Variants in TRPM3 observed in about 807,000 individuals in gnomAD.
TRPM3 encodes the protein long transient receptor potential channel 3.
In TRPM3, 77 loss-of-function variants were observed where a neutral mutation model predicts 181.2. The observed-to-expected ratio is 0.42, with a 90% CI of 0.35 to 0.51. The LOEUF (loss-of-function observed/expected upper bound fraction) is 0.51, where lower values mean the gene tolerates loss of function less well. Among genes scored for constraint, TRPM3 ranks in the 20% least tolerant of loss-of-function variants. The pLI is 0.01. For missense variants in TRPM3, 1,759 were observed against 2,196.7 expected (o/e 0.80, Z 3.98); for synonymous variants, 745 against 796.4 (o/e 0.94, Z 1.09).
chr9:71,018,746 A>G (rs1467728271), intron 1 of TRPM3, among the ~76,000 whole-genome samples: 1 of 151,906 alleles, frequency 6.6e-6, no homozygotes, highest in Non-Finnish European at 1.5e-5. Context: ...AAACTTAACC[A>G]AATACTTCAG....
intron 1 of TRPM3, among the ~76,000 whole-genome samples, chr9:70,987,354 A>C (rs76925081): frequency 0.059 from 8,923 of 152,218 alleles, 375 homozygotes; most frequent in Admixed American, 0.13. Flanking sequence ...GATTTTATGT[A>C]ATTTTTGTAT....
intron 8 of TRPM3, 158 bp downstream of exon 8, chr9:70,761,443 T>C (rs1026953316): frequency 3.3e-6 from 3 of 896,544 alleles, no homozygotes; most frequent in African/African-American, 3.3e-5. Context: ...GTGTCTTAGT[T>C]ACTTAGGAGA....
At chr9:70,889,647 C>G (rs2096160415) in intron 1 of TRPM3, among the ~76,000 whole-genome samples, 2 of 152,092 alleles carry the variant, frequency 1.3e-5, no homozygotes, top group Admixed American at 1.3e-4. Flanking sequence ...GACCACTGGT[C>G]AATAAATCCC....
intron 1 of TRPM3, among the ~76,000 whole-genome samples, chr9:71,261,142 A>G (rs1327609728): frequency 6.6e-6 from 1 of 152,190 alleles, no homozygotes; most frequent in African/African-American, 2.4e-5. Flanking sequence ...AAGTAAATCA[A>G]TCAAACCTAT....
intron 1 of TRPM3, among the ~76,000 whole-genome samples, chr9:71,067,181 T>C (rs2062038936): frequency 6.6e-6 from 1 of 152,144 alleles, no homozygotes. Context: ...AAGGAGGCAA[T>C]TAACTTCTAG....
At chr9:71,418,770 C>CTATA (rs1421279214) in intron 1 of TRPM3, among the ~76,000 whole-genome samples, 1 of 144,078 alleles carries the variant, frequency 6.9e-6, no homozygotes, top group Non-Finnish European at 1.5e-5. Flanking sequence ...TATATATATA[C>CTATA]TATATATAGA....
At chr9:71,173,594 G>A (rs1160329289) in intron 1 of TRPM3, among the ~76,000 whole-genome samples, 2 of 152,220 alleles carry the variant, frequency 1.3e-5, no homozygotes, top group Admixed American at 6.5e-5. Context: ...CTATGGCTGT[G>A]TATTGAGGGA....
intron 1 of TRPM3, among the ~76,000 whole-genome samples, chr9:71,427,037 T>G (rs755887029): frequency 6.6e-6 from 1 of 152,212 alleles, no homozygotes; most frequent in Non-Finnish European, 1.5e-5. Flanking sequence ...AATGCAGTAT[T>G]GCTCCTGGTT....
At chr9:71,165,397 G>A (rs536568637) in intron 1 of TRPM3, among the ~76,000 whole-genome samples, 7 of 152,090 alleles carry the variant, frequency 4.6e-5, no homozygotes, top group Admixed American at 6.6e-5. Flanking sequence ...AAAAAGCAGC[G>A]AGACATGGTT....
At chr9:70,794,145 G>A (rs2086388978) in intron 6 of TRPM3, among the ~76,000 whole-genome samples, 2 of 151,780 alleles carry the variant, frequency 1.3e-5, no homozygotes, top group South Asian at 2.1e-4. Flanking sequence ...AATGCTGAGT[G>A]CAGTCCCAAT....
At chr9:71,139,968 C>G (rs191396361) in intron 1 of TRPM3, among the ~76,000 whole-genome samples, 2 of 152,250 alleles carry the variant, frequency 1.3e-5, no homozygotes, top group Admixed American at 1.3e-4. Flanking sequence ...TTGCAGCCCT[C>G]GCTATGCTAT....
chr9:71,264,207 T>C (rs1465197331), intron 1 of TRPM3, among the ~76,000 whole-genome samples: 1 of 151,998 alleles, frequency 6.6e-6, no homozygotes. Flanking sequence ...AAAGGACAAG[T>C]AACACACACA....
At chr9:71,309,078 T>C (rs184532973) in intron 1 of TRPM3, among the ~76,000 whole-genome samples, 2 of 152,276 alleles carry the variant, frequency 1.3e-5, no homozygotes, top group South Asian at 2.1e-4. Flanking sequence ...AAACAGGACA[T>C]AGTGGGAGAT....
chr9:71,311,788 A>C (rs1044816297), intron 1 of TRPM3, among the ~76,000 whole-genome samples: 2 of 151,630 alleles, frequency 1.3e-5, no homozygotes, highest in Non-Finnish European at 2.9e-5. Context: ...CTGATGAGCA[A>C]AAAAAAATAA....
At chr9:71,167,118 G>A (rs192229568) in intron 1 of TRPM3, among the ~76,000 whole-genome samples, 8 of 152,168 alleles carry the variant, frequency 5.3e-5, no homozygotes, top group East Asian at 1.9e-4. Flanking sequence ...CCAATATTTC[G>A]AAAATGTGAA....
At chr9:70,616,600 G>T (rs2062819998) in intron 17 of TRPM3, among the ~76,000 whole-genome samples, 3 of 141,592 alleles carry the variant, frequency 2.1e-5, no homozygotes, top group Admixed American at 1.5e-4. Flanking sequence ...GCTGTCCTAA[G>T]TTGACCTTGA....
chr9:71,098,316 A>G (rs1346598698), intron 1 of TRPM3, among the ~76,000 whole-genome samples: 1 of 152,190 alleles, frequency 6.6e-6, no homozygotes, highest in Non-Finnish European at 1.5e-5. Flanking sequence ...GTGTGTAGGA[A>G]TTAATGAAGC....
intron 25 of TRPM3, among the ~76,000 whole-genome samples, chr9:70,542,214 C>T (rs1361609895): frequency 6.6e-6 from 1 of 152,098 alleles, no homozygotes; most frequent in East Asian, 1.9e-4. Context: ...ATTGTAGTCA[C>T]TGAGAACTGA....
chr9:71,159,312 T>C (rs2076162890), intron 1 of TRPM3, among the ~76,000 whole-genome samples: 1 of 151,964 alleles, frequency 6.6e-6, no homozygotes, highest in Non-Finnish European at 1.5e-5. Context: ...AACGCAATGA[T>C]CTATAGAAGC....
Sources: gnomAD v4.1 joint callset for allele counts (sites outside exome capture counted in the v4.1 genomes callset) on GRCh38, gnomAD v4.1.1 for gene constraint, MANE v1.5 for transcripts, NCBI Gene and HGNC (gene_info 2026-07-23, HGNC 2026-07-21) for gene names.